Variants in SBF2 observed in about 807,000 individuals in gnomAD.
SBF2 encodes the protein myotubularin-related protein 13.
SBF2 carries 112 observed loss-of-function variants against 225.2 expected under a neutral mutation model. The observed-to-expected ratio is 0.50, with a 90% CI of 0.43 to 0.58. The LOEUF (loss-of-function observed/expected upper bound fraction) is 0.58, where lower values mean the gene tolerates loss of function less well. SBF2 is among the 20% of genes least tolerant of loss of function. SBF2 has a pLI of 0.00. For synonymous variants in SBF2, 763 were observed against 773.3 expected, an observed-to-expected ratio of 0.99 and a Z score of 0.22; for missense variants, 1,996 against 2,206.2, an observed-to-expected ratio of 0.90 and a Z score of 1.91.
chr11:10,084,971 T>C (rs1951506913), intron 2 of SBF2, among the ~76,000 whole-genome samples: 1 of 152,154 alleles, frequency 6.6e-6, no homozygotes, highest in Non-Finnish European at 1.5e-5. Flanking sequence ...AAAAAATTTG[T>C]TAATGGGTGC....
chr11:10,173,829 G>A (rs1377112956), intron 2 of SBF2, among the ~76,000 whole-genome samples: 1 of 150,936 alleles, frequency 6.6e-6, no homozygotes, highest in Non-Finnish European at 1.5e-5. Context: ...CAGGCAGACT[G>A]CCTCCTCAAG....
At chr11:10,188,315 A>T (rs1957022979) in intron 2 of SBF2, among the ~76,000 whole-genome samples, 1 of 152,258 alleles carries the variant, frequency 6.6e-6, no homozygotes, top group South Asian at 2.1e-4. Context: ...GATATGACAG[A>T]CAAGCACATG....
At chr11:9,969,183 A>G (rs1353627148) in intron 13 of SBF2, among the ~76,000 whole-genome samples, 2 of 152,182 alleles carry the variant, frequency 1.3e-5, no homozygotes, top group Admixed American at 6.5e-5. Flanking sequence ...GCCATTCTCT[A>G]ACACCCAACT....
chr11:9,954,230 G>C (rs1565052518), intron 16 of SBF2, among the ~76,000 whole-genome samples: 1 of 152,148 alleles, frequency 6.6e-6, no homozygotes, highest in Non-Finnish European at 1.5e-5. Flanking sequence ...ATAACTTCTA[G>C]GTCATGAAAA....
chr11:9,787,142 C>A (rs1434679262), intron 36 of SBF2, among the ~76,000 whole-genome samples: 2 of 152,222 alleles, frequency 1.3e-5, no homozygotes, highest in Admixed American at 6.5e-5. Context: ...GATCCGCCCA[C>A]CTCGGCCTCC....
At chr11:10,097,863 C>G (rs968635488) in intron 2 of SBF2, among the ~76,000 whole-genome samples, 1 of 152,154 alleles carries the variant, frequency 6.6e-6, no homozygotes, top group Non-Finnish European at 1.5e-5. Context: ...TTCCTGTCTT[C>G]TACAGCTCTG....
chr11:10,052,674 A>G (rs1486673991), intron 2 of SBF2, among the ~76,000 whole-genome samples: 4 of 152,194 alleles, frequency 2.6e-5, no homozygotes, highest in Non-Finnish European at 1.5e-5. Context: ...TCTGCAAATA[A>G]AAGGTACGTG....
chr11:9,889,581 G>A (rs1299106568), intron 17 of SBF2, among the ~76,000 whole-genome samples: 1 of 152,084 alleles, frequency 6.6e-6, no homozygotes, highest in Non-Finnish European at 1.5e-5. Flanking sequence ...TAGTTTAATT[G>A]TATATTATAT....
rs1268364647 is a variant in SBF2 at position 10,226,136 on chromosome 11, G to A, written c.56-32149C>T. Among the ~76,000 whole-genome samples the A allele has an allele frequency of 3.9e-5, 6 of 151,932 alleles. No individual in the cohort carries two copies. In the East Asian group the frequency reaches 5.8e-4, roughly 15 times the overall value. On this transcript the variant is annotated intron_variant, in intron 1 of 39. Transcript: ENST00000256190. ...TATGGCATATTCATGGTCACGACCC[G>A]GTCACAATAAAGGCTATTCATTTTT...
intron 16 of SBF2, chr11:9,929,078 T>C: frequency 2.6e-6 from 1 of 381,154 alleles, no homozygotes; most frequent in Non-Finnish European, 5.0e-6. Flanking sequence ...ATGAGGAGTG[T>C]AGTGACCAGC....
chr11:10,028,308 C>T (rs958677857), intron 6 of SBF2, 144 bp downstream of exon 6: 10 of 634,044 alleles, frequency 1.6e-5, no homozygotes, highest in African/African-American at 1.5e-4. Context: ...TCAGGACCCA[C>T]AAAATTATAT....
chr11:10,284,419 T>C (rs1963608721), intron 1 of SBF2, among the ~76,000 whole-genome samples: 1 of 152,136 alleles, frequency 6.6e-6, no homozygotes, highest in South Asian at 2.1e-4. Context: ...CCTCCCACCC[T>C]CCTTTTTTAT....
At chr11:9,837,788 A>C (rs1030432111) in intron 26 of SBF2, among the ~76,000 whole-genome samples, 1 of 151,854 alleles carries the variant, frequency 6.6e-6, no homozygotes, top group African/African-American at 2.4e-5. Context: ...ACCAGGCTGG[A>C]GTGCAGTAGC....
rs1857325452 is a variant in SBF2 at position 9,856,519 on chromosome 11, G to C, written c.2302C>G (p.Leu768Val). The part of the protein sequence containing the change: ...LVPLDTSKNK[L>V]LRTSAPGDWE... ...TCACCTGGCGCTGATGTTCTTAGGA[G>C]CTTGTTTTTACTTGTGTCGAGTGGA... The change falls in exon 19 of 40, where the codon CTC becomes GTC. Residue 768 changes from leucine (L) to valine (V), a missense_variant. By Grantham distance (32) the Leu-to-Val change is conservative (BLOSUM62 1). Coordinates refer to ENST00000256190, the MANE Select transcript of SBF2 (RefSeq NM_030962.4). 2.5e-6 allele frequency: 4 copies of C among 1,614,166 alleles called. No homozygotes were observed. The highest frequency in any genetic ancestry group is 3.4e-6 in the Non-Finnish European group (4 of 1,180,028).
At chr11:10,218,446 C>T (rs894132504) in intron 1 of SBF2, among the ~76,000 whole-genome samples, 3 of 151,572 alleles carry the variant, frequency 2.0e-5, no homozygotes, top group African/African-American at 7.3e-5. Context: ...ACAATTCCAC[C>T]CCGGCCCCTC....
intron 15 of SBF2, among the ~76,000 whole-genome samples, chr11:9,963,281 A>G (rs12577989): frequency 0.11 from 17,009 of 152,102 alleles, 1,097 homozygotes; most frequent in East Asian, 0.31. Context: ...TCTGGCCAAC[A>G]TGGTGAAACC....
chr11:10,064,252 G>A (rs980841048), intron 2 of SBF2, among the ~76,000 whole-genome samples: 1 of 152,092 alleles, frequency 6.6e-6, no homozygotes, highest in African/African-American at 2.4e-5. Flanking sequence ...TAGGAAAAGT[G>A]ATACAGTATC....
At chr11:10,025,789 T>G (rs1043279703) in intron 6 of SBF2, among the ~76,000 whole-genome samples, 12 of 152,048 alleles carry the variant, frequency 7.9e-5, no homozygotes, top group African/African-American at 2.2e-4. Flanking sequence ...TTAGTAGAGA[T>G]GGGGTGTCAG....
intron 1 of SBF2, among the ~76,000 whole-genome samples, chr11:10,301,907 G>A (rs1428775639): frequency 6.6e-6 from 1 of 152,216 alleles, no homozygotes; most frequent in Non-Finnish European, 1.5e-5. Flanking sequence ...TATTACAGTG[G>A]TTTGGAGGTT....
Sources: allele counts gnomAD v4.1 joint callset (sites outside exome capture counted in the v4.1 genomes callset), GRCh38; gene constraint gnomAD v4.1.1; transcripts MANE v1.5; gene names NCBI Gene and HGNC (gene_info 2026-07-23, HGNC 2026-07-21).